Variants in GUCY2D observed in about 807,000 individuals in gnomAD.
GUCY2D encodes guanylate cyclase 2D, retinal.
In GUCY2D, 70 loss-of-function variants were observed where a neutral mutation model predicts 101.3. The ratio of observed to expected loss-of-function variants is 0.69; its 90% CI spans 0.57 to 0.84. The LOEUF (loss-of-function observed/expected upper bound fraction) is 0.84. Ranked by LOEUF, GUCY2D falls within the 40% of genes least tolerant of loss-of-function variation. The probability of loss-of-function intolerance (pLI) is 0.00; values close to 1 mark genes in which losing one functional copy is unlikely to be tolerated. For synonymous variants in GUCY2D, 688 were observed against 670.7 expected (o/e 1.03, Z -0.40); for missense variants, 1,460 against 1,542.5 (o/e 0.95, Z 0.90).
rs181567056 is a variant in GUCY2D at position 8,015,475 on chromosome 17, G to T, written c.2917G>T (p.Val973Leu). 6.2e-4 allele frequency: 1,000 copies of T among 1,612,860 alleles called. 3 individuals carry two copies. Among genetic ancestry groups the T allele is most frequent in the Non-Finnish European group, 6.5e-5 (77 of 1,179,796 alleles). ...FRMRHMPEVP[V>L]RIRIGLHSGP... ...CATGCGCCATATGCCTGAGGTTCCCGTGCGCATCCGCATAGGCCTGCACTC... is the reference window on the plus strand; with the variant it reads ...CATGCGCCATATGCCTGAGGTTCCCTTGCGCATCCGCATAGGCCTGCACTC... Residue 973 changes from valine to leucine, a missense_variant, in exon 15 of 20, where the codon GTG becomes TTG. Val to Leu is a conservative substitution (Grantham distance 32, BLOSUM62 1). Coordinates refer to ENST00000254854, the MANE Select transcript of GUCY2D (RefSeq NM_000180.4).
At chr17:8,018,599 C>T (rs1167399660) in intron 19 of GUCY2D, among the ~76,000 whole-genome samples, 3 of 152,004 alleles carry the variant, frequency 2.0e-5, no homozygotes, top group Non-Finnish European at 4.4e-5. Context: ...GCAGATTTCC[C>T]CCTTCTCTTG....
intron 7 of GUCY2D, among the ~76,000 whole-genome samples, chr17:8,008,758 G>A (rs1344317116): frequency 6.6e-6 from 1 of 152,176 alleles, no homozygotes; most frequent in East Asian, 1.9e-4. Flanking sequence ...AGTGTTTCTT[G>A]TCTCTGGCCC....
At position 8,002,755 on chromosome 17, in the gene GUCY2D, C is replaced by A; in HGVS notation, c.-10+21C>A. 2.5e-6 allele frequency: 1 copy of A among 395,448 alleles called. No homozygotes were observed. Among genetic ancestry groups the A allele is most frequent in the South Asian group, 5.1e-5 (1 of 19,656 alleles). The allele number at this position is 395,448 out of a possible 1,614,324, so 24.5% of individuals were successfully genotyped here. On this transcript the variant is annotated intron_variant, in intron 1 of 19. Coordinates refer to ENST00000254854, the MANE Select transcript of GUCY2D (RefSeq NM_000180.4). This position sits in a 1 kb window ranked among gnomAD's most constrained non-coding sequence, Gnocchi z 4.9. Reference sequence around the variant, plus strand: ...TCCCTGTAAATGTCAGAGGCCCCTCCGCTGGGATAGGGTCGGTCTGAGGGC... The same window carrying A: ...TCCCTGTAAATGTCAGAGGCCCCTCAGCTGGGATAGGGTCGGTCTGAGGGC...
chr17:8,004,645 C>A (rs1259341853), intron 3 of GUCY2D, among the ~76,000 whole-genome samples: 1 of 152,044 alleles, frequency 6.6e-6, no homozygotes, highest in Non-Finnish European at 1.5e-5. Context: ...CAATCCTAAC[C>A]AGATCCATAG....
chr17:8,010,908 T>C (rs1163667140), intron 8 of GUCY2D, among the ~76,000 whole-genome samples: 3 of 152,020 alleles, frequency 2.0e-5, no homozygotes, highest in East Asian at 1.9e-4. Flanking sequence ...CTAAGCCACC[T>C]TTTTTTCTAG....
rs752751984 is a variant in GUCY2D, at chr17:8,006,499, C to T, written c.1163C>T (p.Pro388Leu). ...VARHIRDAQV[P>L]GFCGDLGGDE... Reference sequence around the variant, plus strand: ...CGCCACATCCGGGATGCGCAGGTCCCTGGCTTCTGCGGGGACCTAGGAGGA... The same window carrying T: ...CGCCACATCCGGGATGCGCAGGTCCTTGGCTTCTGCGGGGACCTAGGAGGA... The change falls in exon 4 of 20, where the codon CCT becomes CTT. Residue 388 changes from proline to leucine, a missense_variant. Physicochemically the swap from Pro to Leu is moderately conservative, Grantham distance 98. Around this residue, in one of 3 missense-constraint regions of GUCY2D, gnomAD observed 1,196 missense variants for 1,229.6 expected, o/e 0.97. Coordinates refer to ENST00000254854, the MANE Select transcript of GUCY2D (RefSeq NM_000180.4). The T allele has an allele frequency of 1.2e-6, 2 of 1,609,020 alleles. No homozygotes were observed. Among genetic ancestry groups the T allele is most frequent in the Non-Finnish European group, 1.7e-6 (2 of 1,179,968 alleles).
Position 8,008,043 on chromosome 17 carries a change from C to A in GUCY2D, c.1668+11C>A. The A allele has an allele frequency of 1.3e-6, 2 of 1,543,904 alleles. No individual in the cohort carries two copies. Among genetic ancestry groups the A allele is most frequent in the South Asian group, 1.1e-5 (1 of 89,362 alleles). On this transcript the variant is annotated intron_variant, in intron 7 of 19. Coordinates refer to ENST00000254854, the MANE Select transcript of GUCY2D (RefSeq NM_000180.4). ...ATTGGTGTCTATGAGGTGAGCCTGA[C>A]CCCAGCCAGACAGAGAGACAGTGGG...
chr17:8,010,220 G>A (rs1328364026), intron 8 of GUCY2D, among the ~76,000 whole-genome samples: 3 of 152,136 alleles, frequency 2.0e-5, no homozygotes, highest in Non-Finnish European at 4.4e-5. Context: ...CCCAGTGAAT[G>A]TTTGTTGATC....
In GUCY2D at chr17:8,007,094, C is replaced by T; in HGVS notation, c.1413C>T (p.Leu471=). 1 of 1,614,158 alleles carries T rather than the reference C, an allele frequency of 6.2e-7. No individual in the cohort carries two copies. Among genetic ancestry groups the T allele is most frequent in the Non-Finnish European group, 8.5e-7 (1 of 1,179,994 alleles). The change falls in exon 5 of 20, where the codon CTC becomes CTT. Residue 471 remains leucine (L), a synonymous_variant. Coordinates refer to ENST00000254854, the MANE Select transcript of GUCY2D (RefSeq NM_000180.4). ...LEPGLVFLGF[L]LVVGMGLAGA... ...CGGGCCTCGTCTTTCTTGGCTTCCT[C>T]CTGGTGGTTGGGATGGGGCTGGCTG...
chr17:8,013,420 C>T lies in GUCY2D; in HGVS notation c.2263+168C>T. ...TCTGGGTGCAGAAAGCCGTGCATGG[C>T]CAGGGTGGGGAGCGTGGTTCATTAG... On this transcript the variant is annotated intron_variant, in intron 11 of 19. Transcript: ENST00000254854. The surrounding 1 kb of genome is among the most constrained non-coding windows in gnomAD (Gnocchi z 5.0). 1.4e-6 allele frequency: 1 copy of T among 720,562 alleles called. No homozygotes were observed. Among genetic ancestry groups the T allele is most frequent in the South Asian group, 1.5e-5 (1 of 64,662 alleles). The allele number at this position is 720,562 out of a possible 1,614,324, so 44.6% of individuals were successfully genotyped here.
chr17:8,009,925 C>T (rs747300481), intron 8 of GUCY2D, among the ~76,000 whole-genome samples: 4 of 151,864 alleles, frequency 2.6e-5, no homozygotes, highest in African/African-American at 9.7e-5. Context: ...TTACCGTGGG[C>T]TGTGATCATA....
At chr17:8,007,358 G>A (rs1975765292) in intron 5 of GUCY2D, 68 bp from the exon 6 acceptor site, 10 of 1,112,050 alleles carry the variant, frequency 9.0e-6, no homozygotes, top group South Asian at 3.7e-5. Flanking sequence ...TCCCTCCCCC[G>A]CATCCCCTGC....
intron 4 of GUCY2D, 33 bp downstream of exon 4, chr17:8,006,747 A>G (rs1315109462): frequency 6.6e-7 from 1 of 1,516,020 alleles, no homozygotes; most frequent in Admixed American, 1.8e-5. Flanking sequence ...CCACTGAGAC[A>G]ATCGCCATGG....
At chr17:8,010,244 TAAA>T (rs1332228662) in intron 8 of GUCY2D, among the ~76,000 whole-genome samples, 1 of 152,010 alleles carries the variant, frequency 6.6e-6, no homozygotes, top group Admixed American at 6.6e-5. Flanking sequence ...TGATAGAAAA[TAAA>T]AAATGAGTTT....
At chr17:8,016,411 C>A in intron 18 of GUCY2D, 32 bp from the exon 19 acceptor site, 1 of 1,510,746 alleles carries the variant, frequency 6.6e-7, no homozygotes, top group East Asian at 2.4e-5. Context: ...GCCCCATTCC[C>A]CTTCCCTGAG....
chr17:8,012,243 G>A lies in GUCY2D; in HGVS notation c.1849G>A (p.Val617Met). The A allele has an allele frequency of 6.2e-7, 1 of 1,614,036 alleles. No homozygotes were observed. The highest frequency in any genetic ancestry group is 1.1e-5 in the South Asian group (1 of 91,080). ...GGCCCTCTGGGAGGGCAACCTGGCT[G>A]TGGTCTCAGAGCACTGCACGCGGGG... Reference protein sequence around the residue: ...PAALWEGNLAVVSEHCTRGSL... With the variant: ...PAALWEGNLAMVSEHCTRGSL... The change falls in exon 9 of 20, where the codon GTG (valine) becomes ATG (methionine). Residue 617 changes from valine to methionine, a missense_variant. Physicochemically the swap from Val to Met is conservative, Grantham distance 21 (BLOSUM62 1). This residue lies in a region of GUCY2D where 1,196 missense variants were observed against 1,229.6 expected (regional missense o/e 0.97). Coordinates refer to ENST00000254854, the MANE Select transcript of GUCY2D (RefSeq NM_000180.4).
chr17:8,016,154 C>T (rs1975968807), intron 17 of GUCY2D, 51 bp from the exon 18 acceptor site: 1 of 1,355,660 alleles, frequency 7.4e-7, no homozygotes, highest in Non-Finnish European at 1.0e-6. Flanking sequence ...CGAGATCCCC[C>T]ACCCCTCACC....
chr17:8,004,187 A>G, intron 3 of GUCY2D, 31 bp downstream of exon 3: 1 of 1,561,676 alleles, frequency 6.4e-7, no homozygotes, highest in Non-Finnish European at 8.6e-7. Context: ...GGAAGAAGGC[A>G]AGGGAGAGGG....
In GUCY2D at chr17:8,014,105, C is replaced by A; in HGVS notation, c.2412+77C>A. 7.4e-7 allele frequency: 1 copy of A among 1,351,432 alleles called. No individual in the cohort carries two copies. Among genetic ancestry groups the A allele is most frequent in the Non-Finnish European group, 1.1e-6 (1 of 951,686 alleles). 83.7% of individuals were successfully genotyped at this position (1,351,432 alleles called of 1,614,324 possible). A position where few individuals can be genotyped will look rare whatever the true frequency, so the allele number is the denominator to read the frequency against. ...GCTTGTCAGCAACCTGAGACAGCTG[C>A]AGACAGGCAGGCTGGCAGGACCTCT... is the stretch of plus-strand genomic sequence containing the variant. On this transcript the variant is annotated intron_variant, in intron 12 of 19. Transcript: ENST00000254854. The surrounding 1 kb of genome is among the most constrained non-coding windows in gnomAD (Gnocchi z 4.0).
Sources: allele counts gnomAD v4.1 joint callset (sites outside exome capture counted in the v4.1 genomes callset), GRCh38; gene constraint gnomAD v4.1.1; regional missense constraint gnomAD v4.1.1; non-coding constraint Gnocchi (gnomAD v3.1); transcripts MANE v1.5; gene names NCBI Gene and HGNC (gene_info 2026-07-23, HGNC 2026-07-21).